The following ZCWPW2 variants were observed in gnomAD, a reference collection of about 807,000 sequenced individuals.
ZCWPW2 encodes zinc finger CW-type PWWP domain protein 2.
In ZCWPW2, 45 loss-of-function variants were observed where a neutral mutation model predicts 46.6. The ratio of observed to expected loss-of-function variants is 0.96; its 90% CI spans 0.76 to 1.24. The LOEUF is 1.24. Among genes scored for constraint, ZCWPW2 ranks in the 50% most tolerant of loss-of-function variants. The pLI is 0.00. For synonymous variants in ZCWPW2, 152 were observed against 137.1 expected (o/e 1.11, Z -0.76); for missense variants, 429 against 403.9 (o/e 1.06, Z -0.53).
chr3:28,368,436 A>C (rs1384643569), intron 1 of ZCWPW2, among the ~76,000 whole-genome samples: 3 of 152,176 alleles, frequency 2.0e-5, no homozygotes, highest in Non-Finnish European at 4.4e-5. Context: ...TTGGCTGGAT[A>C]TGAAATGCTG....
At chr3:28,473,030 T>C (rs749038859) in intron 4 of ZCWPW2, among the ~76,000 whole-genome samples, 29 of 152,140 alleles carry the variant, frequency 1.9e-4, no homozygotes, top group South Asian at 6.2e-4. Context: ...TACAATGAGA[T>C]ATTATTTTAC....
At chr3:28,374,951 C>T (rs751838048) in intron 1 of ZCWPW2, among the ~76,000 whole-genome samples, 2 of 137,106 alleles carry the variant, frequency 1.5e-5, no homozygotes, top group Admixed American at 7.4e-5. Context: ...ATATTACGGT[C>T]TCTCTCTCTC....
In ZCWPW2 at chr3:28,525,334, G is replaced by C. The variant is rs1014799852; in HGVS notation, c.*646G>C. On this transcript the variant is annotated 3_prime_UTR_variant, in exon 10 of 10. Transcript: ENST00000383768. ...CTTTGGAGGTATCATCAGGAAGATG[G>C]AAAAATGTAATTTAAAGTGTATAGA... Among the ~76,000 whole-genome samples the C allele has an allele frequency of 3.9e-5, 6 of 151,978 alleles. No homozygotes were observed. The highest frequency in any genetic ancestry group is 3.9e-4 in the Admixed American group (6 of 15,214).
chr3:28,437,715 T>C (rs1363511666), intron 4 of ZCWPW2, among the ~76,000 whole-genome samples: 1 of 152,226 alleles, frequency 6.6e-6, no homozygotes, highest in Non-Finnish European at 1.5e-5. Flanking sequence ...ATTTTTATTA[T>C]AGATTTATAA....
At chr3:28,388,192 G>C (rs1695347724) in intron 1 of ZCWPW2, among the ~76,000 whole-genome samples, 1 of 152,120 alleles carries the variant, frequency 6.6e-6, no homozygotes, top group African/African-American at 2.4e-5. Context: ...CAACCTGCTT[G>C]ACTCAGAGTT....
intron 1 of ZCWPW2, among the ~76,000 whole-genome samples, chr3:28,369,687 C>T (rs1437474881): frequency 6.6e-6 from 1 of 152,238 alleles, no homozygotes; most frequent in Non-Finnish European, 1.5e-5. Context: ...TCAAAGCTGT[C>T]AGACAGGGAC....
intron 2 of ZCWPW2, among the ~76,000 whole-genome samples, chr3:28,397,146 G>T (rs1435619475): frequency 3.3e-5 from 5 of 150,660 alleles, no homozygotes; most frequent in Non-Finnish European, 7.4e-5. Flanking sequence ...AAAAAAATCT[G>T]GTATTATTCA....
At chr3:28,510,510 CTTAA>C (rs996630934) in intron 6 of ZCWPW2, among the ~76,000 whole-genome samples, 34 of 152,118 alleles carry the variant, frequency 2.2e-4, no homozygotes, top group African/African-American at 1.2e-4. Flanking sequence ...ATGTTGAGCA[CTTAA>C]TTTACTTATC....
At chr3:28,521,717 T>A (rs994458955) in intron 9 of ZCWPW2, among the ~76,000 whole-genome samples, 5 of 152,186 alleles carry the variant, frequency 3.3e-5, no homozygotes, top group Non-Finnish European at 7.4e-5. Context: ...GCTCATGCCA[T>A]TAGTACAGAG....
At chr3:28,394,379 A>G (rs1473221465) in intron 2 of ZCWPW2, among the ~76,000 whole-genome samples, 1 of 152,172 alleles carries the variant, frequency 6.6e-6, no homozygotes, top group African/African-American at 2.4e-5. Context: ...AATTTCTATC[A>G]AAATTCCAGT....
intron 1 of ZCWPW2, among the ~76,000 whole-genome samples, chr3:28,358,697 T>G (rs963778986): frequency 6.6e-6 from 1 of 152,094 alleles, no homozygotes; most frequent in Admixed American, 6.5e-5. Flanking sequence ...AAGCGACACA[T>G]TCCCTTTGTA....
intron 1 of ZCWPW2, chr3:28,351,545 A>G (rs897797199): frequency 2.6e-5 from 4 of 151,784 alleles, no homozygotes; most frequent in Admixed American, 6.6e-5. Context: ...TGTAAAAATA[A>G]TGAAAAACCT....
intron 1 of ZCWPW2, among the ~76,000 whole-genome samples, chr3:28,368,372 A>C (rs977754966): frequency 6.6e-6 from 1 of 152,126 alleles, no homozygotes; most frequent in African/African-American, 2.4e-5. Context: ...AAAATCTCTC[A>C]ACATTTGCTT....
rs1042227913 is a variant in ZCWPW2, at chr3:28,367,808, G to A, written c.-134+18605G>A. Among the ~76,000 whole-genome samples, 103 of 152,236 alleles carry A rather than the reference G, an allele frequency of 6.8e-4. 2 individuals carry two copies. Among genetic ancestry groups the A allele is most frequent in the African/African-American group, 2.3e-3 (96 of 41,550 alleles). On this transcript the variant is annotated intron_variant, in intron 1 of 9. Coordinates refer to ENST00000383768, the MANE Select transcript of ZCWPW2 (RefSeq NM_001040432.4). The stretch of plus-strand genomic sequence containing the variant: ...TCTCTTTGTAGGTCTCTAAGGACTT[G>A]CTTTATGAATCTGGGTGCTCCTGTA...
At chr3:28,410,421 T>C (rs1696356504) in intron 2 of ZCWPW2, among the ~76,000 whole-genome samples, 1 of 103,746 alleles carries the variant, frequency 9.6e-6, no homozygotes, top group South Asian at 2.4e-4. Context: ...AAAATATGCA[T>C]CATTTTTTGC....
chr3:28,398,923 C>T (rs754456112), intron 2 of ZCWPW2, among the ~76,000 whole-genome samples: 4 of 152,142 alleles, frequency 2.6e-5, no homozygotes, highest in Non-Finnish European at 4.4e-5. Flanking sequence ...TTGAACTGAT[C>T]GAGAGGCCTC....
intron 6 of ZCWPW2, among the ~76,000 whole-genome samples, chr3:28,505,767 A>G (rs35714039): frequency 0.16 from 23,682 of 152,052 alleles, 2,353 homozygotes; most frequent in East Asian, 0.46. Flanking sequence ...TTTAGTGATT[A>G]TTGACTGACA....
rs150963354 is a variant in ZCWPW2 at position 28,525,784 on chromosome 3, G to A, written c.*1096G>A. Among the ~76,000 whole-genome samples, 403 of 152,212 alleles carry A rather than the reference G, an allele frequency of 2.6e-3. 2 individuals are homozygous for A. The highest frequency in any genetic ancestry group is 8.9e-3 in the African/African-American group (368 of 41,538). ...TGGAGAGTGGAGATAGACTCACAAC[G>A]GTGAAATATCTTATTTGTCAAAGTA... On this transcript the variant is annotated 3_prime_UTR_variant, in exon 10 of 10. Coordinates refer to ENST00000383768, the MANE Select transcript of ZCWPW2 (RefSeq NM_001040432.4).
chr3:28,371,782 G>A (rs917464791), intron 1 of ZCWPW2, among the ~76,000 whole-genome samples: 1 of 152,154 alleles, frequency 6.6e-6, no homozygotes, highest in Admixed American at 6.5e-5. Flanking sequence ...CCAAAGACAG[G>A]ACAGGGTGGG....
Sources: gnomAD v4.1 joint callset for allele counts (sites outside exome capture counted in the v4.1 genomes callset) on GRCh38, gnomAD v4.1.1 for gene constraint, MANE v1.5 for transcripts, NCBI Gene and HGNC (gene_info 2026-07-23, HGNC 2026-07-21) for gene names.